PACRG: variants seen among roughly 807,000 people sequenced by gnomAD.
The protein encoded by PACRG is parkin coregulated, also known as parkin coregulated gene protein.
PACRG carries 29 observed loss-of-function variants against 29.7 expected under a neutral mutation model. That is an observed-to-expected ratio of 0.98 (90% confidence interval 0.73 to 1.33). The LOEUF is 1.33. Among genes scored for constraint, PACRG ranks in the 40% most tolerant of loss-of-function variants. PACRG has a pLI of 0.00. For missense variants in PACRG, 279 were observed against 316.2 expected, an observed-to-expected ratio of 0.88 and a Z score of 0.89; for synonymous variants, 116 against 118.7, an observed-to-expected ratio of 0.98 and a Z score of 0.15.
intron 1 of PACRG, among the ~76,000 whole-genome samples, chr6:162,740,377 C>A (rs575197182): frequency 6.6e-6 from 1 of 151,356 alleles, no homozygotes; most frequent in East Asian, 1.9e-4. Context: ...GTGGCGTGAT[C>A]TCAGCTCACT....
rs1447028402 is a variant in PACRG at position 163,027,184 on chromosome 6, G to A, written c.292-34966G>A. Among the ~76,000 whole-genome samples the A allele has an allele frequency of 2.0e-5, 3 of 152,224 alleles. No homozygotes were observed. The East Asian group carries it at 5.8e-4, about 29-fold the overall frequency. On this transcript the variant is annotated intron_variant, in intron 2 of 4. Coordinates refer to ENST00000366888, the MANE Select transcript of PACRG (RefSeq NM_001080379.2). ...ACTTTTGATCTGGGCTGGAAATAGA[G>A]TGTGACTCTGGTTGCGTGTATTTTT...
At chr6:163,292,251 G>T (rs7768540) in intron 4 of PACRG, among the ~76,000 whole-genome samples, 1 of 152,100 alleles carries the variant, frequency 6.6e-6, no homozygotes, top group Non-Finnish European at 1.5e-5. Context: ...AGCTCCTCCT[G>T]CACTTTCACA....
At chr6:162,988,470 G>C (rs1803105644) in intron 2 of PACRG, among the ~76,000 whole-genome samples, 1 of 152,162 alleles carries the variant, frequency 6.6e-6, no homozygotes, top group Non-Finnish European at 1.5e-5. Context: ...GAGGAGTTCA[G>C]ATTTCATTTA....
At chr6:163,281,199 G>T (rs1784214216) in intron 4 of PACRG, among the ~76,000 whole-genome samples, 1 of 152,150 alleles carries the variant, frequency 6.6e-6, no homozygotes, top group Non-Finnish European at 1.5e-5. Context: ...GGGACCTGTG[G>T]TGGTGCGAGC....
chr6:163,001,567 A>T (rs1207357934), intron 2 of PACRG, among the ~76,000 whole-genome samples: 1 of 152,178 alleles, frequency 6.6e-6, no homozygotes, highest in African/African-American at 2.4e-5. Context: ...TTCTGATATG[A>T]CTCAAGTCTC....
At chr6:162,937,836 A>G (rs1798343078) in intron 2 of PACRG, among the ~76,000 whole-genome samples, 1 of 152,188 alleles carries the variant, frequency 6.6e-6, no homozygotes, top group Non-Finnish European at 1.5e-5. Flanking sequence ...TGAGAAAAGT[A>G]TAAAACAACA....
chr6:162,952,665 G>T (rs895517942), intron 2 of PACRG, among the ~76,000 whole-genome samples: 4 of 152,162 alleles, frequency 2.6e-5, no homozygotes, highest in African/African-American at 7.2e-5. Flanking sequence ...ACACTAAATT[G>T]TATCACATCT....
At chr6:163,097,174 T>C (rs1814676266) in intron 4 of PACRG, among the ~76,000 whole-genome samples, 1 of 152,236 alleles carries the variant, frequency 6.6e-6, no homozygotes, top group Non-Finnish European at 1.5e-5. Context: ...CTGTTTTCGA[T>C]TGGCCCTTAT....
chr6:163,212,556 C>T (rs1781191048), intron 4 of PACRG, among the ~76,000 whole-genome samples: 1 of 152,036 alleles, frequency 6.6e-6, no homozygotes, highest in South Asian at 2.1e-4. Context: ...AAGGGTTGCC[C>T]AATTGCCAAG....
At chr6:163,132,218 C>T (rs1585251707) in intron 4 of PACRG, among the ~76,000 whole-genome samples, 1 of 152,152 alleles carries the variant, frequency 6.6e-6, no homozygotes, top group East Asian at 1.9e-4. Context: ...ATGCCACTTA[C>T]TAGAAATCTA....
At chr6:163,218,353 T>G (rs929471293) in intron 4 of PACRG, among the ~76,000 whole-genome samples, 2 of 152,188 alleles carry the variant, frequency 1.3e-5, no homozygotes, top group African/African-American at 4.8e-5. Context: ...CTATAATTAT[T>G]CCACTTTCTA....
intron 3 of PACRG, among the ~76,000 whole-genome samples, chr6:163,074,934 C>A (rs1390979180): frequency 6.6e-6 from 1 of 152,046 alleles, no homozygotes; most frequent in Admixed American, 6.6e-5. Context: ...CTCAGTGTTA[C>A]AGTGGGCTGT....
At chr6:162,909,547 T>A in intron 2 of PACRG, among the ~76,000 whole-genome samples, 1 of 109,094 alleles carries the variant, frequency 9.2e-6, no homozygotes, top group East Asian at 2.9e-4. Context: ...AGAGCGAGAC[T>A]CCATCTCAAA....
At chr6:162,877,028 C>T (rs542986815) in intron 2 of PACRG, among the ~76,000 whole-genome samples, 183 of 152,164 alleles carry the variant, frequency 1.2e-3, no homozygotes, top group African/African-American at 4.2e-3. Flanking sequence ...GACAGTGTGG[C>T]GATTCCTCAA....
chr6:163,036,644 G>T (rs1165198031), intron 2 of PACRG, among the ~76,000 whole-genome samples: 2 of 152,222 alleles, frequency 1.3e-5, no homozygotes, highest in Non-Finnish European at 2.9e-5. Flanking sequence ...GGATTGAAAT[G>T]AGGGATTTAA....
chr6:162,843,079 A>G (rs1420070340), intron 2 of PACRG, among the ~76,000 whole-genome samples: 1 of 148,678 alleles, frequency 6.7e-6, no homozygotes, highest in Non-Finnish European at 1.5e-5. Context: ...TGTGTCTTGG[A>G]GTTGGCTCTT....
chr6:162,904,320 G>A (rs1299678410), intron 2 of PACRG, among the ~76,000 whole-genome samples: 6 of 152,238 alleles, frequency 3.9e-5, no homozygotes, highest in African/African-American at 1.2e-4. Context: ...ATTGCAGCCA[G>A]TGAGTCCCAC....
chr6:162,916,785 C>T (rs1194777129), intron 2 of PACRG, among the ~76,000 whole-genome samples: 2 of 152,028 alleles, frequency 1.3e-5, no homozygotes, highest in Non-Finnish European at 2.9e-5. Flanking sequence ...TTCTTATCCT[C>T]AAACAAAGCA....
intron 3 of PACRG, among the ~76,000 whole-genome samples, chr6:163,067,709 T>C (rs900350690): frequency 6.6e-6 from 1 of 152,204 alleles, no homozygotes; most frequent in East Asian, 1.9e-4. Flanking sequence ...GAAACTCCTT[T>C]GAAAGACTGG....
Sources: gnomAD v4.1 joint callset for allele counts (sites outside exome capture counted in the v4.1 genomes callset) on GRCh38, gnomAD v4.1.1 for gene constraint, MANE v1.5 for transcripts, NCBI Gene and HGNC (gene_info 2026-07-23, HGNC 2026-07-21) for gene names.